The following TMOD3 variants were observed in gnomAD, a reference collection of about 807,000 sequenced individuals.
The protein encoded by TMOD3 is tropomodulin-3.
Under a neutral mutation model 39.2 loss-of-function variants are expected in TMOD3, and 20 were observed. The ratio of observed to expected loss-of-function variants is 0.51; its 90% CI spans 0.36 to 0.74. The LOEUF (loss-of-function observed/expected upper bound fraction) is 0.74. Ranked by LOEUF, TMOD3 falls within the 30% of genes least tolerant of loss-of-function variation. TMOD3 has a pLI of 0.00. For missense variants in TMOD3, 381 were observed against 412.8 expected (o/e 0.92, Z 0.67); for synonymous variants, 143 against 145.8 (o/e 0.98, Z 0.14).
Position 51,900,176 on chromosome 15 carries a change from G to A in TMOD3, c.757G>A (p.Val253Met). 6.2e-7 allele frequency: 1 copy of A among 1,614,038 alleles called. No homozygotes were observed. The highest frequency in any genetic ancestry group is 8.5e-7 in the Non-Finnish European group (1 of 1,180,004). The change falls in exon 8 of 10, where the codon GTG becomes ATG. Residue 253 changes from valine to methionine, a missense_variant. Physicochemically the swap from Val to Met is conservative, Grantham distance 21 (BLOSUM62 1). Coordinates refer to ENST00000308580, the MANE Select transcript of TMOD3 (RefSeq NM_014547.5). ...CTAGGCTTTTGCAGAAATGCTGAAA[G>A]TGAACAAAACTTTGAAGAGCTTAAA... ...VATAFAEMLKVNKTLKSLNVE... is the reference protein window; with the variant it reads ...VATAFAEMLKMNKTLKSLNVE...
intron 1 of TMOD3, chr15:51,859,747 CA>C: frequency 2.0e-6 from 1 of 493,762 alleles, no homozygotes; most frequent in South Asian, 1.6e-5. Context: ...TCAGCACATG[CA>C]CCTTCATCTG....
intron 1 of TMOD3, among the ~76,000 whole-genome samples, chr15:51,850,759 C>T (rs1235958162): frequency 1.3e-5 from 2 of 151,870 alleles, no homozygotes; most frequent in African/African-American, 4.9e-5. Flanking sequence ...TTGTTTGAGA[C>T]GGAGTATTGC....
At chr15:51,831,644 A>G (rs1192890320) in intron 1 of TMOD3, among the ~76,000 whole-genome samples, 1 of 152,200 alleles carries the variant, frequency 6.6e-6, no homozygotes, top group Non-Finnish European at 1.5e-5. Flanking sequence ...AGTTTTTTAA[A>G]ATACTGTAGT....
intron 1 of TMOD3, among the ~76,000 whole-genome samples, chr15:51,862,037 C>T (rs1271032133): frequency 4.6e-5 from 7 of 152,118 alleles, no homozygotes; most frequent in Non-Finnish European, 1.0e-4. Context: ...AACAGTCCTG[C>T]CGAATCAGCA....
At position 51,909,212 on chromosome 15, in the gene TMOD3, TC is replaced by T. The variant is rs2141713388; in HGVS notation, c.*403del. ...GACATAAAACACTTAAGTGTTTTCT[TC>T]ACTCCGTGACCTGGAGAGTTTTCCA... On this transcript the variant is annotated 3_prime_UTR_variant, in exon 10 of 10. Coordinates refer to ENST00000308580, the MANE Select transcript of TMOD3 (RefSeq NM_014547.5). The T allele has an allele frequency of 6.4e-6, 1 of 157,304 alleles. No individual in the cohort carries two copies. Among genetic ancestry groups the T allele is most frequent in the Admixed American group, 6.5e-5 (1 of 15,418 alleles). The allele number at this position is 157,304 out of a possible 1,614,324, so 9.7% of individuals were successfully genotyped here.
At chr15:51,859,534 C>T (rs2056405771) in intron 1 of TMOD3, 4 of 628,528 alleles carry the variant, frequency 6.4e-6, no homozygotes, top group Non-Finnish European at 1.2e-5. Context: ...TAAGCCCAAT[C>T]CAGGTACTTA....
chr15:51,856,471 G>A (rs1300756921), intron 1 of TMOD3, among the ~76,000 whole-genome samples: 2 of 151,850 alleles, frequency 1.3e-5, no homozygotes, highest in South Asian at 2.1e-4. Flanking sequence ...CCTAGCTAAA[G>A]AAGTAAACTT....
At chr15:51,859,488 T>A in intron 1 of TMOD3, 1 of 653,706 alleles carries the variant, frequency 1.5e-6, no homozygotes, top group South Asian at 1.4e-5. Context: ...TAAACTTTTA[T>A]ACACAGCTCT....
intron 3 of TMOD3, 87 bp from the exon 4 acceptor site, chr15:51,887,502 C>A: frequency 7.5e-7 from 1 of 1,328,702 alleles, no homozygotes; most frequent in Non-Finnish European, 1.0e-6. Context: ...CCTTCAGGTT[C>A]AGTTGTACAT....
chr15:51,846,045 G>A (rs2056333876), intron 1 of TMOD3, among the ~76,000 whole-genome samples: 1 of 151,732 alleles, frequency 6.6e-6, no homozygotes, highest in Non-Finnish European at 1.5e-5. Flanking sequence ...ACTGAGCGCA[G>A]TGGCTCACAC....
intron 1 of TMOD3, chr15:51,835,153 A>G (rs968405462): frequency 6.6e-6 from 1 of 152,230 alleles, no homozygotes; most frequent in Non-Finnish European, 1.5e-5. Context: ...TAAAATAGGC[A>G]GATGTTTAGA....
At position 51,873,802 on chromosome 15, in the gene TMOD3, A is replaced by G. The variant is rs1320906768; in HGVS notation, c.283+4429A>G. On this transcript the variant is annotated intron_variant, in intron 3 of 9. Coordinates refer to ENST00000308580, the MANE Select transcript of TMOD3 (RefSeq NM_014547.5). ...ACACCTGGCTAATTTTTGTATTTTT[A>G]GTAGAGACGGGGTTTCACCATGTTG... 2.6e-5 allele frequency among the ~76,000 whole-genome samples: 4 copies of G among 151,120 alleles called. 1 individual carries two copies. The highest frequency in any genetic ancestry group is 2.0e-4 in the Admixed American group (3 of 15,152).
chr15:51,835,637 T>A (rs1305665771), intron 1 of TMOD3, among the ~76,000 whole-genome samples: 1 of 152,204 alleles, frequency 6.6e-6, no homozygotes, highest in Non-Finnish European at 1.5e-5. Context: ...CTCCATTGTC[T>A]ATTCCAATCC....
intron 1 of TMOD3, among the ~76,000 whole-genome samples, chr15:51,838,631 T>G (rs998233344): frequency 6.6e-6 from 1 of 152,310 alleles, no homozygotes; most frequent in African/African-American, 2.4e-5. Context: ...TAAAAAATAG[T>G]ATGCATTACT....
In TMOD3 at chr15:51,912,623, A is replaced by G. The variant is rs1021692023; in HGVS notation, c.*3813A>G. 6.6e-6 allele frequency: 1 copy of G among 152,158 alleles called. No individual in the cohort carries two copies. The highest frequency in any genetic ancestry group is 1.5e-5 in the Non-Finnish European group (1 of 68,034). 9.4% of individuals were successfully genotyped at this position (152,158 alleles called of 1,614,324 possible). ...TAGGAACCACTGTTAACCTCCCAGC[A>G]GATGCAAGGATCATGCTTTCTCTGG... On this transcript the variant is annotated 3_prime_UTR_variant, in exon 10 of 10. Transcript: ENST00000308580.
chr15:51,847,021 TAAG>T (rs1315958581), intron 1 of TMOD3, among the ~76,000 whole-genome samples: 2 of 152,060 alleles, frequency 1.3e-5, no homozygotes, highest in South Asian at 4.2e-4. Flanking sequence ...GCAGCTCCAC[TAAG>T]AAGAAGAAAA....
rs556731648 is a variant in TMOD3 at position 51,855,794 on chromosome 15, A to C, written c.-74-7017A>C. ...AGACATGTCATCCCAGAACAGAAAG[A>C]AAAGCAAAGCAAAGCACTCCTTCCA... On this transcript the variant is annotated intron_variant, in intron 1 of 9. Transcript: ENST00000308580. Among the ~76,000 whole-genome samples the C allele has an allele frequency of 6.6e-5, 10 of 152,362 alleles. No individual in the cohort carries two copies. In the South Asian group the frequency reaches 1.4e-3, roughly 22 times the overall value.
rs11446467 is a variant in TMOD3, at chr15:51,910,741, C to CTTT, written c.*1942_*1944dup. ...CCCTCATAAGAACTGTGGTGTTTCT[C>CTTT]TTTTTTTTTTTTTGTTTTGGTTTGT... is the stretch of plus-strand genomic sequence containing the variant. On this transcript the variant is annotated 3_prime_UTR_variant, in exon 10 of 10. Transcript: ENST00000308580. 2.0e-4 allele frequency: 29 copies of CTTT among 142,840 alleles called. No individual in the cohort carries two copies. Among genetic ancestry groups the CTTT allele is most frequent in the African/African-American group, 7.2e-4 (28 of 39,038 alleles). 8.8% of individuals were successfully genotyped at this position (142,840 alleles called of 1,614,324 possible).
intron 9 of TMOD3, among the ~76,000 whole-genome samples, 158 bp downstream of exon 9, chr15:51,902,194 A>C (rs1249076763): frequency 6.6e-6 from 1 of 152,136 alleles, no homozygotes; most frequent in Non-Finnish European, 1.5e-5. Flanking sequence ...ATTCAAGTTC[A>C]ATTAAAGTGA....
Sources: gnomAD v4.1 joint callset for allele counts (sites outside exome capture counted in the v4.1 genomes callset) on GRCh38, gnomAD v4.1.1 for gene constraint, MANE v1.5 for transcripts, NCBI Gene and HGNC (gene_info 2026-07-23, HGNC 2026-07-21) for gene names.